Variants in MLLT10 observed in about 807,000 individuals in gnomAD.
MLLT10 encodes MLLT10 histone lysine methyltransferase DOT1L cofactor.
Under a neutral mutation model 129.1 loss-of-function variants are expected in MLLT10, and 30 were observed. That is an observed-to-expected ratio of 0.23 (90% CI 0.17 to 0.32). MLLT10 has a LOEUF of 0.32. MLLT10 is among the 10% of genes least tolerant of loss of function. The pLI is 1.00. For missense variants in MLLT10, 1,119 were observed against 1,268.3 expected (o/e 0.88, Z 1.79); for synonymous variants, 490 against 446.4 (o/e 1.10, Z -1.23).
At chr10:21,617,498 A>G (rs572888422) in intron 8 of MLLT10, among the ~76,000 whole-genome samples, 98 of 152,296 alleles carry the variant, frequency 6.4e-4, no homozygotes, top group Non-Finnish European at 1.2e-3. Context: ...GACTTCAGCA[A>G]TAATAGTTCG....
At chr10:21,600,354 C>T (rs1394201359) in intron 5 of MLLT10, among the ~76,000 whole-genome samples, 2 of 148,694 alleles carry the variant, frequency 1.3e-5, no homozygotes, top group African/African-American at 5.1e-5. Flanking sequence ...AATATTGAAT[C>T]TTTCCTGAGA....
Position 21,697,099 on chromosome 10 carries a change from CAAAAA to C in MLLT10, c.1699+14861_1699+14865del, listed in dbSNP as rs1163740638. ...AGAAGTGAATTCTGTCTGATTTAAGCAAAAAAAAAAAAAAAAAAAAAAAGAGGGAG... is the reference window on the plus strand; with the variant it reads ...AGAAGTGAATTCTGTCTGATTTAAGCAAAAAAAAAAAAAAAAAAGAGGGAG... On this transcript the variant is annotated intron_variant, in intron 13 of 22. Coordinates refer to ENST00000307729, the MANE Select transcript of MLLT10 (RefSeq NM_001195626.3). 1.0e-3 allele frequency among the ~76,000 whole-genome samples: 83 copies of C among 82,660 alleles called. 1 individual carries two copies. Among genetic ancestry groups the C allele is most frequent in the East Asian group, 9.3e-3 (24 of 2,592 alleles). 54.2% of individuals were successfully genotyped at this position (82,660 alleles called of 152,430 possible).
chr10:21,631,577 G>A (rs925048625), intron 8 of MLLT10, among the ~76,000 whole-genome samples: 1 of 152,168 alleles, frequency 6.6e-6, no homozygotes, highest in East Asian at 1.9e-4. Context: ...TGTACAGGAA[G>A]CATGGCTGGG....
chr10:21,594,171 A>C, intron 4 of MLLT10, among the ~76,000 whole-genome samples: 1 of 152,032 alleles, frequency 6.6e-6, no homozygotes, highest in Non-Finnish European at 1.5e-5. Flanking sequence ...GTTGCATCTG[A>C]AACGAGAGGG....
intron 9 of MLLT10, among the ~76,000 whole-genome samples, chr10:21,656,697 T>C (rs1376290487): frequency 2.0e-5 from 3 of 152,252 alleles, no homozygotes; most frequent in African/African-American, 4.8e-5. Context: ...GGTATCACTA[T>C]CACCTTTTAA....
intron 3 of MLLT10, among the ~76,000 whole-genome samples, chr10:21,546,975 A>G (rs1488956478): frequency 6.6e-6 from 1 of 151,956 alleles, no homozygotes; most frequent in African/African-American, 2.4e-5. Context: ...CACGTGCCTC[A>G]GCGTCCCAAA....
intron 13 of MLLT10, among the ~76,000 whole-genome samples, chr10:21,688,922 T>A (rs1473382452): frequency 6.6e-6 from 1 of 152,128 alleles, no homozygotes; most frequent in Non-Finnish European, 1.5e-5. Context: ...ACTCTCTGAT[T>A]CTTTTAACAT....
intron 8 of MLLT10, among the ~76,000 whole-genome samples, chr10:21,631,313 CAAAAAA>C (rs991306894): frequency 1.3e-4 from 6 of 47,776 alleles, no homozygotes; most frequent in African/African-American, 2.0e-4. Flanking sequence ...GACTCCGTCT[CAAAAAA>C]AAAAAAAAAA....
chr10:21,576,436 T>C (rs2040756577), intron 3 of MLLT10, among the ~76,000 whole-genome samples: 1 of 151,106 alleles, frequency 6.6e-6, no homozygotes, highest in Non-Finnish European at 1.5e-5. Flanking sequence ...AGAGCTAGGT[T>C]GTCACCATGT....
chr10:21,699,731 C>T (rs1273461513), intron 13 of MLLT10, among the ~76,000 whole-genome samples: 1 of 149,052 alleles, frequency 6.7e-6, no homozygotes, highest in Non-Finnish European at 1.5e-5. Context: ...TATTCTGTTT[C>T]ATTGGTATCT....
intron 8 of MLLT10, among the ~76,000 whole-genome samples, chr10:21,623,940 T>C (rs2046163939): frequency 6.6e-6 from 1 of 152,172 alleles, no homozygotes; most frequent in Non-Finnish European, 1.5e-5. Context: ...TTAATAGATT[T>C]TTTTAGTTTT....
At chr10:21,629,317 T>C (rs984038420) in intron 8 of MLLT10, among the ~76,000 whole-genome samples, 1 of 152,178 alleles carries the variant, frequency 6.6e-6, no homozygotes, top group Admixed American at 6.5e-5. Context: ...GTTTTATTTG[T>C]TTTTAAGGTT....
chr10:21,613,625 G>C (rs2044895000), intron 6 of MLLT10, among the ~76,000 whole-genome samples: 2 of 152,210 alleles, frequency 1.3e-5, no homozygotes, highest in Non-Finnish European at 1.5e-5. Flanking sequence ...GAATATGCTA[G>C]GCACTGTGGC....
Position 21,576,292 on chromosome 10 carries a change from G to T in MLLT10, c.241-10002G>T, listed in dbSNP as rs1004432400. Among the ~76,000 whole-genome samples the T allele has an allele frequency of 2.7e-5, 4 of 150,052 alleles. No individual in the cohort carries two copies. The Admixed American group carries it at 2.7e-4, about 10-fold the overall frequency. On this transcript the variant is annotated intron_variant, in intron 3 of 22. Transcript: ENST00000307729. ...GAGTCTCGCTCTGTCGCCCAGGCTG[G>T]AGTGCAGTGGCATGATCTTGGTTCA...
chr10:21,713,675 G>A (rs1161366632), intron 13 of MLLT10, 97 bp from the exon 14 acceptor site: 2 of 1,007,480 alleles, frequency 2.0e-6, no homozygotes, highest in Middle Eastern at 3.3e-4. Context: ...TATAATTGGA[G>A]GAGGGATCCA....
intron 13 of MLLT10, 136 bp from the exon 14 acceptor site, chr10:21,713,636 A>G: frequency 2.8e-6 from 2 of 708,446 alleles, no homozygotes; most frequent in Non-Finnish European, 4.4e-6. Flanking sequence ...TTACTAGCAC[A>G]ATATTTTTTA....
At chr10:21,713,027 C>G (rs543891680) in intron 13 of MLLT10, among the ~76,000 whole-genome samples, 1 of 152,216 alleles carries the variant, frequency 6.6e-6, no homozygotes, top group South Asian at 2.1e-4. Flanking sequence ...GGCTTTTATC[C>G]CCATGGTGCC....
intron 4 of MLLT10, among the ~76,000 whole-genome samples, chr10:21,592,425 C>A (rs575657980): frequency 1.3e-4 from 20 of 151,178 alleles, no homozygotes; most frequent in Admixed American, 1.2e-3. Flanking sequence ...CATTTCTTTC[C>A]CTTAGTTTTC....
chr10:21,550,101 G>T (rs931057943), intron 3 of MLLT10, among the ~76,000 whole-genome samples: 1 of 152,198 alleles, frequency 6.6e-6, no homozygotes, highest in African/African-American at 2.4e-5. Flanking sequence ...GGAAGAAGGA[G>T]AAAATAGACT....
Sources: gnomAD v4.1 joint callset for allele counts (sites outside exome capture counted in the v4.1 genomes callset) on GRCh38, gnomAD v4.1.1 for gene constraint, MANE v1.5 for transcripts, NCBI Gene and HGNC (gene_info 2026-07-23, HGNC 2026-07-21) for gene names.